Variants in FGF13 observed in about 807,000 individuals in gnomAD.
FGF13 encodes fibroblast growth factor homologous factor 2.
In FGF13, 2 loss-of-function variants were observed where a neutral mutation model predicts 19.5. That is an observed-to-expected ratio of 0.10 (90% CI 0.04 to 0.32). The LOEUF (loss-of-function observed/expected upper bound fraction) is 0.32. FGF13 is among the 10% of genes least tolerant of loss of function. The pLI is 1.00. For missense variants in FGF13, 113 were observed against 192.7 expected (o/e 0.59, Z 2.45); for synonymous variants, 72 against 76.9 (o/e 0.94, Z 0.33).
rs1602663803 is a variant in FGF13 at position 138,657,415 on chromosome X, C to A, written c.403-21760G>T. Reference sequence around the variant, plus strand: ...GAACTGCAAACAGAATTACCTTTAGCAATTACTGACTTCCTATAGACACAA... The same window carrying A: ...GAACTGCAAACAGAATTACCTTTAGAAATTACTGACTTCCTATAGACACAA... On this transcript the variant is annotated intron_variant, in intron 3 of 4. Transcript: ENST00000315930. Among the ~76,000 whole-genome samples the A allele has an allele frequency of 2.7e-5, 3 of 111,841 alleles. No individual in the cohort carries two copies. In the Admixed American group the frequency reaches 2.9e-4, roughly 11 times the overall value.
At chrX:138,834,667 T>A (rs1191024314) in intron 3 of FGF13, among the ~76,000 whole-genome samples, 5 of 110,656 alleles carry the variant, frequency 4.5e-5, no homozygotes, top group Non-Finnish European at 9.5e-5. Flanking sequence ...TCAGTTAAGC[T>A]CTGATTTTGG....
chrX:139,017,082 G>GTATATATA (rs10626987), intron 1 of FGF13, among the ~76,000 whole-genome samples: 4 of 101,123 alleles, frequency 4.0e-5, no homozygotes, highest in African/African-American at 7.2e-5. Flanking sequence ...ATACATGTGT[G>GTATATATA]TATATATATA....
At chrX:138,942,504 C>T (rs780907442) in intron 1 of FGF13, among the ~76,000 whole-genome samples, 1 of 111,892 alleles carries the variant, frequency 8.9e-6, no homozygotes, top group South Asian at 3.7e-4. Context: ...AGTTCTGGGT[C>T]CAAGAAATCT....
chrX:138,921,456 G>A (rs776434902), intron 1 of FGF13, among the ~76,000 whole-genome samples: 8 of 111,619 alleles, frequency 7.2e-5, no homozygotes, highest in South Asian at 3.8e-4. Flanking sequence ...AGCCCTGACC[G>A]TGTTACTGAC....
chrX:139,122,224 G>A (rs759875327), intron 1 of FGF13, among the ~76,000 whole-genome samples: 1 of 112,053 alleles, frequency 8.9e-6, no homozygotes, highest in Non-Finnish European at 1.9e-5. Context: ...GAAAATAAAA[G>A]ACAGGATTAA....
chrX:138,657,674 T>C (rs1478637804), intron 3 of FGF13, among the ~76,000 whole-genome samples: 1 of 112,154 alleles, frequency 8.9e-6, no homozygotes, highest in Non-Finnish European at 1.9e-5. Flanking sequence ...TACTGACTAC[T>C]GGGCTCTATG....
intron 3 of FGF13, among the ~76,000 whole-genome samples, chrX:138,771,386 G>A (rs779498031): frequency 9.0e-6 from 1 of 111,546 alleles, no homozygotes; most frequent in African/African-American, 3.3e-5. Context: ...ATGAAATATA[G>A]GGTGCCAATT....
rs888805769 is a variant in FGF13, at chrX:138,630,308, A to G, written c.*2542T>C. On this transcript the variant is annotated 3_prime_UTR_variant, in exon 5 of 5. Transcript: ENST00000315930. ...ACTATTTCTGAACAACAGAAAAAGC[A>G]AGACCAGCAACTGAAGTAGTCAGTG... The G allele has an allele frequency of 1.8e-5, 2 of 111,248 alleles. No homozygotes were observed. Among genetic ancestry groups the G allele is most frequent in the Admixed American group, 9.7e-5 (1 of 10,356 alleles). The allele number at this position is 111,248 out of a possible 1,213,427, so 9.2% of individuals were successfully genotyped here.
intron 1 of FGF13, among the ~76,000 whole-genome samples, chrX:138,926,429 G>GA (rs1401901896): frequency 8.9e-6 from 1 of 111,752 alleles, no homozygotes; most frequent in Non-Finnish European, 1.9e-5. Context: ...ATAATTTGAT[G>GA]AAAAAAGAAA....
At chrX:138,755,916 T>C (rs2090428691) in intron 3 of FGF13, among the ~76,000 whole-genome samples, 1 of 111,935 alleles carries the variant, frequency 8.9e-6, no homozygotes, top group Non-Finnish European at 1.9e-5. Flanking sequence ...ATAGAGGTGA[T>C]TAAGTTAAAA....
At chrX:138,685,070 T>C (rs1330968944) in intron 3 of FGF13, among the ~76,000 whole-genome samples, 1 of 111,845 alleles carries the variant, frequency 8.9e-6, no homozygotes, top group Non-Finnish European at 1.9e-5. Context: ...GGAAGTACTG[T>C]TGAGCTGGTA....
intron 3 of FGF13, among the ~76,000 whole-genome samples, chrX:138,772,141 A>G (rs1000177674): frequency 1.9e-5 from 2 of 104,447 alleles, no homozygotes; most frequent in African/African-American, 6.9e-5. Context: ...TTTATTTTAA[A>G]ATTAATATAC....
intron 1 of FGF13, among the ~76,000 whole-genome samples, chrX:139,089,910 C>T (rs760137387): frequency 9.0e-6 from 1 of 111,277 alleles, no homozygotes; most frequent in South Asian, 3.8e-4. Context: ...GCAATCATAA[C>T]TCACTGCGGC....
At chrX:138,796,244 C>A (rs933082445) in intron 3 of FGF13, among the ~76,000 whole-genome samples, 1 of 110,351 alleles carries the variant, frequency 9.1e-6, no homozygotes, top group Non-Finnish European at 1.9e-5. Context: ...CCGATAGGCC[C>A]GGTGTGTGAT....
At position 138,763,629 on chromosome X, in the gene FGF13, T is replaced by C. The variant is rs1287151408; in HGVS notation, c.218-54701A>G. Among the ~76,000 whole-genome samples the C allele has an allele frequency of 4.5e-5, 5 of 112,026 alleles. No individual in the cohort carries two copies. In the Admixed American group the frequency reaches 4.8e-4, roughly 11 times the overall value. On this transcript the variant is annotated intron_variant, in intron 3 of 6. Transcript: ENST00000436198. ...CAGTATTATCCTCTACCCTAAATCATGAACCTCAACATGAGGGACTGCTTC... is the reference window on the plus strand; with the variant it reads ...CAGTATTATCCTCTACCCTAAATCACGAACCTCAACATGAGGGACTGCTTC...
At position 138,846,871 on chromosome X, in the gene FGF13, C is replaced by T. The variant is rs972717092; in HGVS notation, c.217+10641G>A. Among the ~76,000 whole-genome samples the T allele has an allele frequency of 5.4e-5, 6 of 111,073 alleles. No individual in the cohort carries two copies. In the South Asian group the frequency reaches 1.9e-3, roughly 36 times the overall value. ...ATCACTCCATTATTTCTTTGTATGC[C>T]GGGACCAAGTCATCAGTTCCTTAAA... On this transcript the variant is annotated intron_variant, in intron 3 of 6. Coordinates refer to the FGF13 transcript ENST00000436198.
Position 139,150,444 on chromosome X carries a change from C to G in FGF13, c.-113+52972G>C, listed in dbSNP as rs751404102. Among the ~76,000 whole-genome samples the G allele has an allele frequency of 2.7e-5, 3 of 112,424 alleles. No individual in the cohort carries two copies. In the East Asian group the frequency reaches 8.4e-4, roughly 32 times the overall value. On this transcript the variant is annotated intron_variant, in intron 1 of 2. Coordinates refer to the FGF13 transcript ENST00000421460. ...CTAAATGGCAAATGGTCAAACCCAC[C>G]TATCCACAATGACTCCCTCCCTGGT...
intron 1 of FGF13, among the ~76,000 whole-genome samples, chrX:138,733,693 T>G (rs2090250475): frequency 9.0e-6 from 1 of 111,420 alleles, no homozygotes; most frequent in Non-Finnish European, 1.9e-5. Context: ...GTTACACCTG[T>G]GCAGTGTACA....
chrX:139,053,658 T>C (rs2092310499), intron 1 of FGF13, among the ~76,000 whole-genome samples: 1 of 111,808 alleles, frequency 8.9e-6, no homozygotes, highest in African/African-American at 3.3e-5. Flanking sequence ...TATTAGTCCT[T>C]TGTCCGATGT....
Sources: allele counts gnomAD v4.1 joint callset (sites outside exome capture counted in the v4.1 genomes callset), GRCh38; gene constraint gnomAD v4.1.1; transcripts MANE v1.5; gene names NCBI Gene and HGNC (gene_info 2026-07-23, HGNC 2026-07-21).